IFT122: variants seen among roughly 807,000 people sequenced by gnomAD.
The protein encoded by IFT122 is intraflagellar transport 122.
In IFT122, 118 loss-of-function variants were observed where a neutral mutation model predicts 161.6. The observed-to-expected ratio is 0.73, with a 90% CI of 0.63 to 0.85. IFT122 has a LOEUF of 0.85. IFT122 is among the 40% of genes least tolerant of loss of function. The pLI is 0.00. For synonymous variants in IFT122, 550 were observed against 602.4 expected (o/e 0.91, Z 1.27); for missense variants, 1,381 against 1,579.6 (o/e 0.87, Z 2.13).
chr3:129,471,537 T>C (rs1054973551), intron 9 of IFT122, among the ~76,000 whole-genome samples: 1 of 152,166 alleles, frequency 6.6e-6, no homozygotes, highest in African/African-American at 2.4e-5. Flanking sequence ...GTCTTGTTGC[T>C]ATGGCCACAG....
intron 8 of IFT122, among the ~76,000 whole-genome samples, chr3:129,468,096 A>C (rs910945499): frequency 6.6e-6 from 1 of 152,260 alleles, no homozygotes; most frequent in South Asian, 2.1e-4. Flanking sequence ...CAGTCACACA[A>C]AGGTCATCTG....
chr3:129,479,504 G>A (rs2078378110), intron 12 of IFT122, among the ~76,000 whole-genome samples: 1 of 152,124 alleles, frequency 6.6e-6, no homozygotes, highest in African/African-American at 2.4e-5. Flanking sequence ...CAAATTACAG[G>A]ATAGATGTGG....
intron 13 of IFT122, among the ~76,000 whole-genome samples, chr3:129,481,056 C>G (rs1043767005): frequency 2.0e-5 from 3 of 152,070 alleles, no homozygotes; most frequent in Admixed American, 2.0e-4. Flanking sequence ...ATAGCAAGAC[C>G]TTATCTCTAA....
intron 26 of IFT122, among the ~76,000 whole-genome samples, chr3:129,516,257 C>T (rs1179846289): frequency 2.3e-5 from 3 of 130,954 alleles, no homozygotes; most frequent in Non-Finnish European, 3.2e-5. Context: ...CACACACAGA[C>T]TGCCCCTACA....
intron 1 of IFT122, among the ~76,000 whole-genome samples, chr3:129,445,005 G>T (rs572562760): frequency 2.0e-5 from 3 of 152,244 alleles, no homozygotes; most frequent in East Asian, 3.9e-4. Context: ...TAGCATAATG[G>T]TTAAAACATG....
chr3:129,481,351 G>T (rs2078616343), intron 13 of IFT122, 179 bp from the exon 14 acceptor site: 1 of 656,162 alleles, frequency 1.5e-6, no homozygotes, highest in Admixed American at 2.1e-5. Flanking sequence ...GCCTCCTAAG[G>T]ATAAGCCATT....
chr3:129,483,860 G>C (rs552692799), intron 15 of IFT122, 178 bp downstream of exon 15: 70 of 691,808 alleles, frequency 1.0e-4, no homozygotes, highest in African/African-American at 3.4e-4. Context: ...CTTGCAACCT[G>C]TGTGACTGGG....
rs192088086 is a variant in IFT122 at position 129,497,827 on chromosome 3, A to G, written c.2209-2075A>G. ...GAGATCTAGTCCTGATTAACGTGGC[A>G]TATTTTTGTTTACTTGAAAATTGCT... On this transcript the variant is annotated intron_variant, in intron 18 of 29. Coordinates refer to ENST00000348417, the MANE Select transcript of IFT122 (RefSeq NM_052989.3). 4.6e-4 allele frequency among the ~76,000 whole-genome samples: 70 copies of G among 152,284 alleles called. 1 individual carries two copies. Among genetic ancestry groups the G allele is most frequent in the Non-Finnish European group, 6.9e-4 (47 of 68,020 alleles).
intron 7 of IFT122, among the ~76,000 whole-genome samples, chr3:129,466,456 G>C (rs1249048784): frequency 2.0e-5 from 3 of 151,100 alleles, no homozygotes; most frequent in Non-Finnish European, 4.4e-5. Flanking sequence ...TCCTCCTCCA[G>C]GTAGGGTTCA....
At chr3:129,499,825 GC>G (rs1293471030) in intron 18 of IFT122, 76 bp from the exon 19 acceptor site, 1 of 1,577,980 alleles carries the variant, frequency 6.3e-7, no homozygotes, top group Non-Finnish European at 8.7e-7. Flanking sequence ...GCCCGCCCTT[GC>G]TGCTAGAAAA....
intron 1 of IFT122, among the ~76,000 whole-genome samples, chr3:129,449,143 T>C (rs75617961): frequency 0.011 from 1,648 of 152,358 alleles, 34 homozygotes; most frequent in African/African-American, 0.037. Context: ...AATTTCTTTC[T>C]AGCTCCTGTA....
chr3:129,515,745 C>T (rs1418283178), intron 26 of IFT122, 146 bp downstream of exon 26: 3 of 751,034 alleles, frequency 4.0e-6, no homozygotes, highest in African/African-American at 1.7e-5. Context: ...CTGACGCCCA[C>T]CTACCTGACA....
Position 129,479,725 on chromosome 3 carries a change from G to C in IFT122, c.1351-60G>C. On this transcript the variant is annotated intron_variant, in intron 12 of 29. Coordinates refer to ENST00000348417, the MANE Select transcript of IFT122 (RefSeq NM_052989.3). ...CCTTAGGGACAGAAAGATCTCCTTG[G>C]GGAGGTCTGGGGGCACTTATTCTGT... is the stretch of plus-strand genomic sequence containing the variant. The C allele has an allele frequency of 4.4e-6, 7 of 1,606,294 alleles. No homozygotes were observed. The South Asian group carries it at 4.4e-5, about 10-fold the overall frequency.
chr3:129,452,194 G>A (rs1041631093), intron 3 of IFT122, 196 bp downstream of exon 3: 8 of 559,972 alleles, frequency 1.4e-5, no homozygotes, highest in Non-Finnish European at 2.3e-5. Flanking sequence ...TCCAGGCACT[G>A]TTCAAGGTGC....
At position 129,519,101 on chromosome 3, in the gene IFT122, C is replaced by T. The variant is rs185681354; in HGVS notation, c.3392-6C>T. On this transcript the variant is annotated splice_region_variant and splice_polypyrimidine_tract_variant and intron_variant, in intron 27 of 29. Coordinates refer to ENST00000348417, the MANE Select transcript of IFT122 (RefSeq NM_052989.3). ...TCTGATTCCATCCTTGACCAGATCC[C>T]TCCAGGCTCCCAGATTCTGCGGCTA... 8.1e-6 allele frequency: 13 copies of T among 1,613,638 alleles called. No homozygotes were observed. In the African/African-American group the frequency reaches 1.2e-4, roughly 15 times the overall value.
At chr3:129,516,760 G>A in intron 26 of IFT122, among the ~76,000 whole-genome samples, 2 of 96,740 alleles carry the variant, frequency 2.1e-5, no homozygotes, top group Non-Finnish European at 3.9e-5. Flanking sequence ...CACACAGACT[G>A]CCCCTGCACA....
chr3:129,441,087 C>T (rs1379949958), intron 1 of IFT122, among the ~76,000 whole-genome samples: 1 of 152,174 alleles, frequency 6.6e-6, no homozygotes, highest in East Asian at 1.9e-4. Context: ...CCTTTTGATT[C>T]AGTTATTTAA....
chr3:129,512,187 TAGG>T, intron 23 of IFT122, 122 bp from the exon 24 acceptor site: 2 of 774,490 alleles, frequency 2.6e-6, no homozygotes, highest in Non-Finnish European at 4.8e-6. Context: ...ACAGTAGGAG[TAGG>T]TGCTCAATAA....
At chr3:129,511,333 T>G (rs1253075271) in intron 23 of IFT122, among the ~76,000 whole-genome samples, 1 of 152,146 alleles carries the variant, frequency 6.6e-6, no homozygotes, top group Admixed American at 6.5e-5. Context: ...GTATAGAAAT[T>G]TACGTGTGAA....
Sources: gnomAD v4.1 joint callset for allele counts (sites outside exome capture counted in the v4.1 genomes callset) on GRCh38, gnomAD v4.1.1 for gene constraint, MANE v1.5 for transcripts, NCBI Gene and HGNC (gene_info 2026-07-23, HGNC 2026-07-21) for gene names.